Variants in ADAM17 observed in about 807,000 individuals in gnomAD.
ADAM17 encodes ADAM metallopeptidase domain 17, also known as disintegrin and metalloproteinase domain-containing protein 17.
ADAM17 carries 39 observed loss-of-function variants against 96.7 expected under a neutral mutation model. That is an observed-to-expected ratio of 0.40 (90% CI 0.31 to 0.53). The LOEUF (loss-of-function observed/expected upper bound fraction) is 0.53. ADAM17 is among the 20% of genes least tolerant of loss of function. The pLI is 0.44. For synonymous variants in ADAM17, 344 were observed against 359.2 expected, an observed-to-expected ratio of 0.96 and a Z score of 0.48; for missense variants, 777 against 1,013.2, an observed-to-expected ratio of 0.77 and a Z score of 3.17.
At chr2:9,527,714 T>C in intron 5 of ADAM17, 72 bp downstream of exon 5, 1 of 1,071,654 alleles carries the variant, frequency 9.3e-7, no homozygotes, top group South Asian at 3.1e-5. Context: ...TTTTAACAAA[T>C]AACAACCACC....
In ADAM17 at chr2:9,489,899, T is replaced by TC; in HGVS notation, c.*277dup. 1 of 356,066 alleles carries TC rather than the reference T, an allele frequency of 2.8e-6. No homozygotes were observed. The highest frequency in any genetic ancestry group is 7.4e-5 in the South Asian group (1 of 13,484). The allele number at this position is 356,066 out of a possible 1,614,324, so 22.1% of individuals were successfully genotyped here. ...AAAAACGTAAATATTCATAACCCAA[T>TC]CCAGCTGTATTTTCTGCTTTTGCAC... On this transcript the variant is annotated 3_prime_UTR_variant, in exon 19 of 19. Transcript: ENST00000310823.
Position 9,520,988 on chromosome 2 carries a change from G to GAAAAAAAAAAAAAAA in ADAM17, c.957+214_957+215insTTTTTTTTTTTTTTT, listed in dbSNP as rs1234369493. ...TCAAAAAAAAAAAAAAAAAAAAAAG[G>GAAAAAAAAAAAAAAA]AAGCATTGCTTTATAGCGTTTTTCT... On this transcript the variant is annotated intron_variant, in intron 8 of 18. Coordinates refer to ENST00000310823, the MANE Select transcript of ADAM17 (RefSeq NM_003183.6). Among the ~76,000 whole-genome samples the GAAAAAAAAAAAAAAA allele has an allele frequency of 7.8e-4, 88 of 112,118 alleles. 3 individuals carry two copies. The highest frequency in any genetic ancestry group is 9.5e-4 in the African/African-American group (29 of 30,422). 73.6% of individuals were successfully genotyped at this position (112,118 alleles called of 152,430 possible). A position where few individuals can be genotyped will look rare whatever the true frequency, so the allele number is the denominator to read the frequency against.
At chr2:9,492,352 A>C (rs1360174069) in intron 17 of ADAM17, among the ~76,000 whole-genome samples, 1 of 152,218 alleles carries the variant, frequency 6.6e-6, no homozygotes, top group African/African-American at 2.4e-5. Flanking sequence ...GCCCAATTCA[A>C]CTTGTAGCTG....
At chr2:9,527,411 A>G (rs1664574177) in intron 5 of ADAM17, 1 of 154,980 alleles carries the variant, frequency 6.5e-6, no homozygotes, top group African/African-American at 2.4e-5. Flanking sequence ...ACCTTCTTGT[A>G]TTCTAAGCAG....
At chr2:9,495,322 G>C (rs969846713) in intron 14 of ADAM17, among the ~76,000 whole-genome samples, 3 of 152,376 alleles carry the variant, frequency 2.0e-5, no homozygotes, top group Admixed American at 2.0e-4. Context: ...TGTGAGCCAT[G>C]TGGGCATACA....
In ADAM17 at chr2:9,523,395, A is replaced by C. The variant is rs768689316; in HGVS notation, c.754-57T>G. On this transcript the variant is annotated intron_variant, in intron 6 of 18. Coordinates refer to ENST00000310823, the MANE Select transcript of ADAM17 (RefSeq NM_003183.6). ...ATGTAACTCTTTACCTCTCCTGGCA[A>C]TGCAATATAAAATCTATGGGGAAAG... 2.3e-5 allele frequency: 32 copies of C among 1,399,562 alleles called. 1 individual carries two copies. The Middle Eastern group carries it at 1.1e-3, about 47-fold the overall frequency. The allele number at this position is 1,399,562 out of a possible 1,614,324, so 86.7% of individuals were successfully genotyped here. A position where few individuals can be genotyped will look rare whatever the true frequency, so the allele number is the denominator to read the frequency against.
chr2:9,496,980 C>T, intron 14 of ADAM17, 134 bp downstream of exon 14: 2 of 1,371,636 alleles, frequency 1.5e-6, no homozygotes, highest in Non-Finnish European at 2.0e-6. Context: ...CCACCCTGCC[C>T]TTCCCCATCC....
chr2:9,490,595 T>TCAAA, intron 18 of ADAM17, 77 bp from the exon 19 acceptor site: 1 of 1,383,070 alleles, frequency 7.2e-7, no homozygotes, highest in Non-Finnish European at 9.7e-7. Context: ...CCCTTACCCA[T>TCAAA]CAAACAGCCT....
At chr2:9,501,152 A>G (rs1399832592) in intron 13 of ADAM17, among the ~76,000 whole-genome samples, 1 of 152,220 alleles carries the variant, frequency 6.6e-6, no homozygotes, top group African/African-American at 2.4e-5. Context: ...AATGAACCAA[A>G]TATATGAACT....
At chr2:9,491,972 G>T (rs1461327322) in intron 17 of ADAM17, among the ~76,000 whole-genome samples, 1 of 152,226 alleles carries the variant, frequency 6.6e-6, no homozygotes, top group Admixed American at 6.5e-5. Context: ...AAAGCTTCAA[G>T]CACGTCACCT....
intron 12 of ADAM17, among the ~76,000 whole-genome samples, chr2:9,503,137 C>CA (rs750548968): frequency 0.18 from 13,366 of 73,742 alleles, 770 homozygotes; most frequent in African/African-American, 0.26. Context: ...GAGACTCTCT[C>CA]AAAAAAAAAA....
chr2:9,554,341 T>C (rs1191094034), intron 1 of ADAM17, among the ~76,000 whole-genome samples: 8 of 152,228 alleles, frequency 5.3e-5, no homozygotes, highest in Non-Finnish European at 7.3e-5. Flanking sequence ...TACCTCAAAA[T>C]GTCCTTCAAT....
At chr2:9,538,010 G>C (rs1665054435) in intron 2 of ADAM17, among the ~76,000 whole-genome samples, 1 of 107,872 alleles carries the variant, frequency 9.3e-6, no homozygotes, top group Non-Finnish European at 1.9e-5. Flanking sequence ...GGGAAGGGAG[G>C]GGAGGAGAGG....
At chr2:9,544,579 G>A (rs756989497) in intron 1 of ADAM17, among the ~76,000 whole-genome samples, 5 of 151,994 alleles carry the variant, frequency 3.3e-5, no homozygotes, top group South Asian at 2.1e-4. Context: ...TGTAATCCCA[G>A]CACTTTGGGA....
At chr2:9,550,900 A>G (rs954477196) in intron 1 of ADAM17, among the ~76,000 whole-genome samples, 3 of 114,244 alleles carry the variant, frequency 2.6e-5, no homozygotes, top group Non-Finnish European at 1.8e-5. Context: ...TCTACTAAAA[A>G]TACAAAAAAA....
intron 10 of ADAM17, among the ~76,000 whole-genome samples, chr2:9,513,055 C>A (rs752204093): frequency 6.6e-6 from 1 of 152,046 alleles, no homozygotes; most frequent in Non-Finnish European, 1.5e-5. Context: ...AGTACAGTGG[C>A]GCAATCTCAG....
At chr2:9,491,228 C>A in intron 17 of ADAM17, 77 bp from the exon 18 acceptor site, 2 of 1,331,318 alleles carry the variant, frequency 1.5e-6, no homozygotes, top group Middle Eastern at 1.9e-4. Context: ...ACAGGCTATT[C>A]CTAACACTAA....
intron 11 of ADAM17, 127 bp from the exon 12 acceptor site, chr2:9,505,492 T>C (rs1160213930): frequency 1.1e-6 from 1 of 948,562 alleles, no homozygotes; most frequent in Non-Finnish European, 1.6e-6. Flanking sequence ...CCTGGAGTTA[T>C]GGCAAGGCCA....
chr2:9,525,746 A>T (rs1451975339), intron 6 of ADAM17, among the ~76,000 whole-genome samples: 2 of 152,186 alleles, frequency 1.3e-5, no homozygotes, highest in African/African-American at 4.8e-5. Context: ...CAAAAGAAAA[A>T]CATGGGTTCA....
Sources: gnomAD v4.1 joint callset for allele counts (sites outside exome capture counted in the v4.1 genomes callset) on GRCh38, gnomAD v4.1.1 for gene constraint, MANE v1.5 for transcripts, NCBI Gene and HGNC (gene_info 2026-07-23, HGNC 2026-07-21) for gene names.